The following DLG1 variants were observed in gnomAD, a reference collection of about 807,000 sequenced individuals.
DLG1 encodes the protein disks large homolog 1.
DLG1 carries 42 observed loss-of-function variants against 123.4 expected under a neutral mutation model. The observed-to-expected ratio is 0.34, with a 90% confidence interval of 0.27 to 0.44. The LOEUF (loss-of-function observed/expected upper bound fraction) is 0.44. Ranked by LOEUF, DLG1 falls within the 20% of genes least tolerant of loss-of-function variation. The pLI is 1.00. For missense variants in DLG1, 942 were observed against 1,082.6 expected, an observed-to-expected ratio of 0.87 and a Z score of 1.82; for synonymous variants, 317 against 356.2, an observed-to-expected ratio of 0.89 and a Z score of 1.24.
Position 197,057,057 on chromosome 3 carries a change from T to G in DLG1, c.2483+2832A>C, listed in dbSNP as rs187846261. Reference sequence around the variant, plus strand: ...CTACTCCTGATAGTATTTGGGTAGTTTCTAGTTTTTAGTTACTGACTCTTT... The same window carrying G: ...CTACTCCTGATAGTATTTGGGTAGTGTCTAGTTTTTAGTTACTGACTCTTT... On this transcript the variant is annotated intron_variant, in intron 23 of 24. Coordinates refer to ENST00000667157, the MANE Select transcript of DLG1 (RefSeq NM_001366207.1). Among the ~76,000 whole-genome samples the G allele has an allele frequency of 2.4e-4, 36 of 151,338 alleles. No homozygotes were observed. In the East Asian group the frequency reaches 6.6e-3, roughly 28 times the overall value.
intron 3 of DLG1, among the ~76,000 whole-genome samples, chr3:197,288,201 T>C (rs1219380422): frequency 6.6e-6 from 1 of 151,312 alleles, no homozygotes; most frequent in Non-Finnish European, 1.5e-5. Context: ...CTGTCTCTAC[T>C]AAAAATGCAA....
At chr3:197,248,964 A>C (rs1753096409) in intron 4 of DLG1, among the ~76,000 whole-genome samples, 1 of 152,252 alleles carries the variant, frequency 6.6e-6, no homozygotes. Context: ...CCTAGGCTAC[A>C]GAGCAAGACT....
At chr3:197,046,944 T>C (rs1413553950) in intron 24 of DLG1, among the ~76,000 whole-genome samples, 1 of 136,044 alleles carries the variant, frequency 7.4e-6, no homozygotes, top group African/African-American at 2.5e-5. Context: ...AAATCCCCCC[T>C]AGTGTTTTTA....
At chr3:197,183,842 T>C in intron 5 of DLG1, 1 of 1,539,902 alleles carries the variant, frequency 6.5e-7, no homozygotes, top group Non-Finnish European at 8.8e-7. Context: ...CCAAGCAGGC[T>C]TACTTCTCTA....
chr3:197,047,123 A>G (rs1451423953), intron 24 of DLG1, among the ~76,000 whole-genome samples: 1 of 152,198 alleles, frequency 6.6e-6, no homozygotes, highest in Non-Finnish European at 1.5e-5. Flanking sequence ...GATTAGAAGA[A>G]TAGTGAAATA....
intron 5 of DLG1, among the ~76,000 whole-genome samples, chr3:197,177,945 C>T (rs1028489926): frequency 6.6e-6 from 1 of 152,100 alleles, no homozygotes; most frequent in African/African-American, 2.4e-5. Flanking sequence ...TTGGGCCCTC[C>T]TTAGCACAAG....
intron 4 of DLG1, among the ~76,000 whole-genome samples, chr3:197,272,399 A>G (rs945557754): frequency 6.6e-6 from 1 of 151,934 alleles, no homozygotes; most frequent in African/African-American, 2.4e-5. Context: ...TGTTGTTTTT[A>G]TTAGGTTTTA....
chr3:197,121,527 A>G (rs1486442644), intron 11 of DLG1, among the ~76,000 whole-genome samples: 1 of 152,128 alleles, frequency 6.6e-6, no homozygotes, highest in African/African-American at 2.4e-5. Context: ...AAACAGGAAC[A>G]TTTTAATGTC....
intron 22 of DLG1, 72 bp downstream of exon 22, chr3:197,065,204 C>T: frequency 7.2e-7 from 1 of 1,386,668 alleles, no homozygotes; most frequent in South Asian, 1.7e-5. Context: ...CTGTATCTAT[C>T]CTACCAGTCT....
chr3:197,134,541 A>C (rs1376298796), intron 10 of DLG1, among the ~76,000 whole-genome samples: 1 of 151,568 alleles, frequency 6.6e-6, no homozygotes, highest in Non-Finnish European at 1.5e-5. Context: ...GTATATTTTT[A>C]AAAACCAACT....
At position 197,085,598 on chromosome 3, in the gene DLG1, A is replaced by T. The variant is rs1753884510; in HGVS notation, c.1820T>A (p.Val607Glu). Residue 607 changes from valine to glutamate, a missense_variant, in exon 16 of 25, where the codon GTG becomes GAG. Transcript: ENST00000667157. Reference sequence around the variant, plus strand: ...GGCATACCTGCGTTTACTGGGAATCACTCCGACCTCATCGCTCTCACCATC... The same window carrying T: ...GGCATACCTGCGTTTACTGGGAATCTCTCCGACCTCATCGCTCTCACCATC... ...TPDGESDEVG[V>E]IPSKRRVEKK... is the part of the protein sequence containing the mutation. 1 of 1,613,808 alleles carries T rather than the reference A, an allele frequency of 6.2e-7. No homozygotes were observed. Among genetic ancestry groups the T allele is most frequent in the Non-Finnish European group, 8.5e-7 (1 of 1,179,960 alleles).
In DLG1 at chr3:197,091,750, T is replaced by C. The variant is rs887319474; in HGVS notation, c.1547-724A>G. On this transcript the variant is annotated intron_variant, in intron 14 of 24. Transcript: ENST00000667157. ...CCTTTTCAAAAATATTGCAGTTACA[T>C]GGTTATAAACACATATCTTTTTTCC... 2.6e-5 allele frequency among the ~76,000 whole-genome samples: 4 copies of C among 152,256 alleles called. No homozygotes were observed. In the East Asian group the frequency reaches 7.7e-4, roughly 29 times the overall value.
intron 4 of DLG1, among the ~76,000 whole-genome samples, chr3:197,228,888 T>C (rs1389392957): frequency 6.6e-6 from 1 of 152,202 alleles, no homozygotes; most frequent in Non-Finnish European, 1.5e-5. Flanking sequence ...AGTGCTTTCA[T>C]GTGTCAGAAA....
At chr3:197,250,206 G>C (rs1455613799) in intron 4 of DLG1, among the ~76,000 whole-genome samples, 2 of 152,188 alleles carry the variant, frequency 1.3e-5, no homozygotes, top group Non-Finnish European at 2.9e-5. Context: ...GCTTAGTAAA[G>C]CTGCAGGATC....
intron 11 of DLG1, among the ~76,000 whole-genome samples, chr3:197,129,174 G>T (rs1201127094): frequency 1.3e-5 from 2 of 152,222 alleles, no homozygotes; most frequent in Non-Finnish European, 2.9e-5. Flanking sequence ...GTAGAAGGCT[G>T]TTTCATCTAC....
chr3:197,068,932 TCCC>T (rs1301889305), intron 19 of DLG1, among the ~76,000 whole-genome samples: 1 of 152,008 alleles, frequency 6.6e-6, no homozygotes, highest in Non-Finnish European at 1.5e-5. Context: ...ATACAAGTTT[TCCC>T]CCATTTAACT....
At chr3:197,098,870 C>T (rs958974890) in intron 14 of DLG1, among the ~76,000 whole-genome samples, 1 of 152,128 alleles carries the variant, frequency 6.6e-6, no homozygotes, top group Non-Finnish European at 1.5e-5. Context: ...TCACAGCTAC[C>T]TTTCTATATG....
rs1453482837 is a variant in DLG1 at position 197,119,447 on chromosome 3, C to T, written c.1249G>A (p.Val417Ile). 12 of 1,610,472 alleles carry T rather than the reference C, an allele frequency of 7.5e-6. No homozygotes were observed. Among genetic ancestry groups the T allele is most frequent in the Non-Finnish European group, 8.5e-6 (10 of 1,177,524 alleles). ...TCATCTCCAAGTACTGCTTTAGAAA[C>T]TGGGGAGTATCTGGCTGGAGATGCT... is the stretch of plus-strand genomic sequence containing the variant. ...TPASPARYSPVSKAVLGDDEI... is the reference protein window; with the variant it reads ...TPASPARYSPISKAVLGDDEI... Residue 417 changes from valine to isoleucine, a missense_variant, in exon 12 of 25, where the codon GTT becomes ATT. Physicochemically the swap from Val to Ile is conservative, Grantham distance 29 (BLOSUM62 3). Transcript: ENST00000667157.
chr3:197,087,507 C>T (rs1264593783), intron 15 of DLG1, among the ~76,000 whole-genome samples: 3 of 151,864 alleles, frequency 2.0e-5, no homozygotes, highest in Non-Finnish European at 4.4e-5. Flanking sequence ...AGGGCAAGAC[C>T]CCATCTCAAA....
Sources: gnomAD v4.1 joint callset for allele counts (sites outside exome capture counted in the v4.1 genomes callset) on GRCh38, gnomAD v4.1.1 for gene constraint, MANE v1.5 for transcripts, NCBI Gene and HGNC (gene_info 2026-07-23, HGNC 2026-07-21) for gene names.